Variants in EFCAB6 observed in about 807,000 individuals in gnomAD.
The protein encoded by EFCAB6 is EF-hand calcium binding domain 6.
EFCAB6 carries 156 observed loss-of-function variants against 169.8 expected under a neutral mutation model. That is an observed-to-expected ratio of 0.92 (90% CI 0.81 to 1.05). The LOEUF (loss-of-function observed/expected upper bound fraction) is 1.05. Among genes scored for constraint, EFCAB6 ranks in the 50% least tolerant of loss-of-function variants. The probability of loss-of-function intolerance (pLI) is 0.00; values close to 1 mark genes in which losing one functional copy is unlikely to be tolerated. For missense variants in EFCAB6, 1,800 were observed against 1,829.1 expected, an observed-to-expected ratio of 0.98 and a Z score of 0.29; for synonymous variants, 698 against 676.4, an observed-to-expected ratio of 1.03 and a Z score of -0.50.
At chr22:43,606,747 G>C (rs1015527542) in intron 22 of EFCAB6, among the ~76,000 whole-genome samples, 2 of 152,250 alleles carry the variant, frequency 1.3e-5, no homozygotes, top group Non-Finnish European at 2.9e-5. Context: ...TCAACACAGG[G>C]TGAAAATCTG....
chr22:43,783,979 A>C (rs907032618), intron 2 of EFCAB6, among the ~76,000 whole-genome samples: 17 of 152,268 alleles, frequency 1.1e-4, no homozygotes, highest in Admixed American at 9.8e-4. Context: ...TGAGATGGGA[A>C]GAGCAGTTGA....
chr22:43,714,595 C>T (rs190030637), intron 9 of EFCAB6, among the ~76,000 whole-genome samples: 12 of 150,734 alleles, frequency 8.0e-5, no homozygotes, highest in Non-Finnish European at 1.6e-4. Flanking sequence ...GGAAAGAATT[C>T]CGGCTGACTC....
intron 2 of EFCAB6, among the ~76,000 whole-genome samples, chr22:43,798,435 G>A (rs2062590375): frequency 6.6e-6 from 1 of 152,114 alleles, no homozygotes; most frequent in South Asian, 2.1e-4. Context: ...TGAGAACTGA[G>A]GCCCTAAATT....
intron 3 of EFCAB6, among the ~76,000 whole-genome samples, chr22:43,779,127 T>C (rs1465850442): frequency 6.6e-6 from 1 of 152,068 alleles, no homozygotes; most frequent in African/African-American, 2.4e-5. Context: ...ATGAAAAAAA[T>C]CTAAAAATTA....
rs142162526 is a variant in EFCAB6, at chr22:43,639,775, A to G, written c.1984-4559T>C. Among the ~76,000 whole-genome samples, 508 of 152,174 alleles carry G rather than the reference A, an allele frequency of 3.3e-3. 10 individuals carry two copies. The highest frequency in any genetic ancestry group is 0.012 in the African/African-American group (487 of 41,536). ...TCCTTTTGTGATTCCAATTACACCTATGTTAGACCTTTTGATATTGTTCAT... is the reference window on the plus strand; with the variant it reads ...TCCTTTTGTGATTCCAATTACACCTGTGTTAGACCTTTTGATATTGTTCAT... On this transcript the variant is annotated intron_variant, in intron 17 of 31. Coordinates refer to ENST00000262726, the MANE Select transcript of EFCAB6 (RefSeq NM_022785.4).
chr22:43,773,185 C>G, intron 3 of EFCAB6, 82 bp from the exon 4 acceptor site: 1 of 1,375,626 alleles, frequency 7.3e-7, no homozygotes, highest in Non-Finnish European at 1.0e-6. Flanking sequence ...TGAACGGAAC[C>G]AAGAAAACTT....
chr22:43,559,978 A>G (rs2048931878), intron 26 of EFCAB6, among the ~76,000 whole-genome samples: 2 of 152,232 alleles, frequency 1.3e-5, no homozygotes, highest in South Asian at 4.1e-4. Context: ...ATGTATACCT[A>G]TGTAACAAAC....
intron 8 of EFCAB6, among the ~76,000 whole-genome samples, chr22:43,730,259 AAAGGGAGCG>A: frequency 1.2e-3 from 1 of 808 alleles, no homozygotes; most frequent in Middle Eastern, 0.1. Flanking sequence ...GGGAAGGAGG[AAAGGGAGCG>A]AGGGAGGGAG....
At chr22:43,685,335 C>T (rs1342220866) in intron 11 of EFCAB6, among the ~76,000 whole-genome samples, 1 of 151,718 alleles carries the variant, frequency 6.6e-6, no homozygotes, top group East Asian at 1.9e-4. Context: ...TCTGTGGGGG[C>T]AGGAAGGGTG....
At position 43,626,524 on chromosome 22, in the gene EFCAB6, A is replaced by T. The variant is rs748477934; in HGVS notation, c.2388T>A (p.Thr796=). 2 of 1,614,212 alleles carry T rather than the reference A, an allele frequency of 1.2e-6. No homozygotes were observed. The highest frequency in any genetic ancestry group is 2.2e-5 in the South Asian group (2 of 91,084). Residue 796 remains threonine, a synonymous_variant, in exon 20 of 32, where the codon ACT becomes ACA. Transcript: ENST00000262726. ...LGLLGLRLSV[T]LNFREFQNLC... ...AATTTTGAAATTCCCGAAAATTTAA[A>T]GTGACACTAAGTCTCAAGCCAAGAA...
intron 21 of EFCAB6, among the ~76,000 whole-genome samples, chr22:43,612,693 A>C (rs2053400745): frequency 6.6e-6 from 1 of 152,090 alleles, no homozygotes; most frequent in Non-Finnish European, 1.5e-5. Flanking sequence ...GGAGTTCGAG[A>C]CCAGCCTGGC....
rs143596960 is a variant in EFCAB6, at chr22:43,809,190, C to A, written c.-144-59G>T. 524 of 152,142 alleles carry A rather than the reference C, an allele frequency of 3.4e-3. 1 individual carries two copies. The highest frequency in any genetic ancestry group is 0.012 in the African/African-American group (504 of 41,504). The allele number at this position is 152,142 out of a possible 1,614,324, so 9.4% of individuals were successfully genotyped here. A position where few individuals can be genotyped will look rare whatever the true frequency, so the allele number is the denominator to read the frequency against. ...CTATTTTTCCAGATGAATCAAAAGG[C>A]CTTATTTCCCTGGAAAAAAAAATAA... On this transcript the variant is annotated intron_variant, in intron 1 of 31. Coordinates refer to ENST00000262726, the MANE Select transcript of EFCAB6 (RefSeq NM_022785.4).
chr22:43,780,527 T>C (rs184005497), intron 3 of EFCAB6, among the ~76,000 whole-genome samples: 1 of 151,632 alleles, frequency 6.6e-6, no homozygotes, highest in Non-Finnish European at 1.5e-5. Flanking sequence ...GAACACCTTT[T>C]AACCCAGTCA....
chr22:43,690,123 A>G (rs1051677855), intron 10 of EFCAB6, among the ~76,000 whole-genome samples: 1 of 152,118 alleles, frequency 6.6e-6, no homozygotes, highest in South Asian at 2.1e-4. Flanking sequence ...AATTATTGCA[A>G]TAATCTCCTG....
rs185080628 is a variant in EFCAB6, at chr22:43,780,065, G to C, written c.139+2115C>G. On this transcript the variant is annotated intron_variant, in intron 3 of 31. Transcript: ENST00000262726. Reference sequence around the variant, plus strand: ...GAATGTTATTTTTCCATATCCAATGGGCAAGATCTTAAAAGACAATCTGTG... The same window carrying C: ...GAATGTTATTTTTCCATATCCAATGCGCAAGATCTTAAAAGACAATCTGTG... 6.6e-5 allele frequency among the ~76,000 whole-genome samples: 10 copies of C among 152,202 alleles called. No homozygotes were observed. The East Asian group carries it at 1.9e-3, about 29-fold the overall frequency.
chr22:43,573,728 TCAA>T (rs1294766818), intron 26 of EFCAB6, among the ~76,000 whole-genome samples: 2 of 81,096 alleles, frequency 2.5e-5, no homozygotes, highest in African/African-American at 5.7e-5. Context: ...TGAGTCTGTC[TCAA>T]CAAAAAAAAA....
intron 8 of EFCAB6, among the ~76,000 whole-genome samples, chr22:43,722,484 T>C (rs2059570217): frequency 6.6e-6 from 1 of 150,612 alleles, no homozygotes; most frequent in African/African-American, 2.4e-5. Flanking sequence ...TGAGCCGGGA[T>C]CGCGCTGCTG....
rs531618283 is a variant in EFCAB6 at position 43,737,983 on chromosome 22, C to A, written c.508-1990G>T. Among the ~76,000 whole-genome samples, 105 of 151,280 alleles carry A rather than the reference C, an allele frequency of 6.9e-4. 1 individual carries two copies. Among genetic ancestry groups the A allele is most frequent in the African/African-American group, 2.5e-3 (102 of 41,034 alleles). On this transcript the variant is annotated intron_variant, in intron 6 of 31. Coordinates refer to ENST00000262726, the MANE Select transcript of EFCAB6 (RefSeq NM_022785.4). The stretch of plus-strand genomic sequence containing the variant: ...ACACCATCACTCACACACATATATT[C>A]GCACATATATTCACACACACATGCA...
chr22:43,621,692 G>T (rs1304540069), intron 20 of EFCAB6, among the ~76,000 whole-genome samples: 1 of 151,352 alleles, frequency 6.6e-6, no homozygotes, highest in Non-Finnish European at 1.5e-5. Flanking sequence ...AAATAATAAA[G>T]ACCAAAAATC....
Sources: allele counts gnomAD v4.1 joint callset (sites outside exome capture counted in the v4.1 genomes callset), GRCh38; gene constraint gnomAD v4.1.1; transcripts MANE v1.5; gene names NCBI Gene and HGNC (gene_info 2026-07-23, HGNC 2026-07-21).